ADAMTS16: variants seen among roughly 807,000 people sequenced by gnomAD.
The protein encoded by ADAMTS16 is A disintegrin and metalloproteinase with thrombospondin motifs 16.
Under a neutral mutation model 145.8 loss-of-function variants are expected in ADAMTS16, and 94 were observed. The observed-to-expected ratio is 0.64, with a 90% CI of 0.55 to 0.77. The LOEUF (loss-of-function observed/expected upper bound fraction) is 0.77, where lower values mean the gene tolerates loss of function less well. ADAMTS16 is among the 30% of genes least tolerant of loss of function. The pLI is 0.00. For missense variants in ADAMTS16, 1,585 were observed against 1,591.5 expected (o/e 1.00, Z 0.07); for synonymous variants, 659 against 604.3 (o/e 1.09, Z -1.33).
chr5:5,311,107 T>C (rs1009444529), intron 21 of ADAMTS16, among the ~76,000 whole-genome samples: 3 of 151,824 alleles, frequency 2.0e-5, no homozygotes, highest in Non-Finnish European at 4.4e-5. Flanking sequence ...GGCCAGGACA[T>C]TGAGAAGTGA....
At chr5:5,207,293 G>C (rs976139861) in intron 9 of ADAMTS16, among the ~76,000 whole-genome samples, 4 of 152,006 alleles carry the variant, frequency 2.6e-5, no homozygotes, top group Admixed American at 6.6e-5. Context: ...TTTCATTTTT[G>C]GTTGCTAATA....
rs369866757 is a variant in ADAMTS16, at chr5:5,297,998, C to T, written c.2790-5270C>T. On this transcript the variant is annotated intron_variant, in intron 18 of 22. Transcript: ENST00000274181. The stretch of plus-strand genomic sequence containing the variant: ...GTGCTGGGCCCTGTTCCTTGCCAAC[C>T]AGTCATCAGAAATGGGCTGTCCGTT... Among the ~76,000 whole-genome samples the T allele has an allele frequency of 2.6e-5, 4 of 152,292 alleles. No individual in the cohort carries two copies. The East Asian group carries it at 7.7e-4, about 29-fold the overall frequency.
intron 12 of ADAMTS16, among the ~76,000 whole-genome samples, chr5:5,233,333 T>G (rs931242469): frequency 6.6e-6 from 1 of 152,234 alleles, no homozygotes; most frequent in Non-Finnish European, 1.5e-5. Flanking sequence ...TAATTTTTAA[T>G]TTTTTAAATT....
At chr5:5,239,366 G>T in intron 15 of ADAMTS16, 92 bp downstream of exon 15, 1 of 1,485,158 alleles carries the variant, frequency 6.7e-7, no homozygotes, top group Non-Finnish European at 9.0e-7. Flanking sequence ...GAAAACAGCA[G>T]GACTTCCTTC....
intron 18 of ADAMTS16, among the ~76,000 whole-genome samples, chr5:5,275,616 T>G (rs116017841): frequency 2.0e-5 from 3 of 152,210 alleles, no homozygotes; most frequent in African/African-American, 7.2e-5. Flanking sequence ...TAGATAGTTA[T>G]AGTTTCTGCA....
intron 10 of ADAMTS16, among the ~76,000 whole-genome samples, chr5:5,222,368 A>G (rs1736633037): frequency 1.3e-5 from 2 of 152,110 alleles, no homozygotes; most frequent in African/African-American, 2.4e-5. Flanking sequence ...CAAGTGAACA[A>G]GCATCCTAAA....
At chr5:5,309,847 T>TGTGC (rs1288874273) in intron 21 of ADAMTS16, among the ~76,000 whole-genome samples, 1 of 151,238 alleles carries the variant, frequency 6.6e-6, no homozygotes, top group Non-Finnish European at 1.5e-5. Context: ...TGTGTGTGTG[T>TGTGC]GTGTGTGTGC....
chr5:5,159,343 C>A (rs1043274679), intron 3 of ADAMTS16, among the ~76,000 whole-genome samples: 2 of 152,264 alleles, frequency 1.3e-5, no homozygotes, highest in Non-Finnish European at 2.9e-5. Flanking sequence ...TCTTACTAAC[C>A]AGCTAGCTCA....
At chr5:5,203,140 G>A (rs868220049) in intron 9 of ADAMTS16, among the ~76,000 whole-genome samples, 76 of 152,164 alleles carry the variant, frequency 5.0e-4, no homozygotes, top group African/African-American at 1.7e-3. Flanking sequence ...GACCACATGA[G>A]TATAAATAAA....
intron 21 of ADAMTS16, among the ~76,000 whole-genome samples, chr5:5,312,833 C>T (rs1039884981): frequency 6.6e-6 from 1 of 152,052 alleles, no homozygotes; most frequent in Admixed American, 6.6e-5. Context: ...GCAGCTGAGT[C>T]GAGGCATTTC....
intron 8 of ADAMTS16, among the ~76,000 whole-genome samples, chr5:5,195,507 T>C (rs1735778096): frequency 6.6e-6 from 1 of 152,164 alleles, no homozygotes; most frequent in Non-Finnish European, 1.5e-5. Context: ...AGCTCTTACC[T>C]AGGTTTCCGA....
chr5:5,148,065 A>G (rs1734352345), intron 3 of ADAMTS16, among the ~76,000 whole-genome samples: 1 of 152,070 alleles, frequency 6.6e-6, no homozygotes, highest in African/African-American at 2.4e-5. Context: ...GTATAATTAT[A>G]ATGAAAGATA....
intron 18 of ADAMTS16, among the ~76,000 whole-genome samples, chr5:5,290,831 G>C (rs1255831587): frequency 1.3e-5 from 2 of 152,122 alleles, no homozygotes; most frequent in East Asian, 3.9e-4. Flanking sequence ...CTTTCACTGT[G>C]TAGGACCTGA....
intron 6 of ADAMTS16, among the ~76,000 whole-genome samples, chr5:5,188,142 A>T (rs764571489): frequency 6.6e-6 from 1 of 152,204 alleles, no homozygotes; most frequent in South Asian, 2.1e-4. Flanking sequence ...AGCTTTCAGG[A>T]TGCCAGTGGG....
chr5:5,211,710 C>A (rs1484200293), intron 10 of ADAMTS16, among the ~76,000 whole-genome samples: 1 of 152,062 alleles, frequency 6.6e-6, no homozygotes, highest in African/African-American at 2.4e-5. Context: ...TCTTTCTAAG[C>A]ACATTAGCTG....
chr5:5,222,664 C>A, intron 10 of ADAMTS16, 125 bp from the exon 11 acceptor site: 1 of 734,254 alleles, frequency 1.4e-6, no homozygotes, highest in Non-Finnish European at 2.3e-6. Flanking sequence ...TATCATATTG[C>A]TAAGTAGGCA....
At chr5:5,189,950 C>A in intron 6 of ADAMTS16, 21 bp from the exon 7 acceptor site, 1 of 1,609,548 alleles carries the variant, frequency 6.2e-7, no homozygotes, top group African/African-American at 1.3e-5. Flanking sequence ...ATGGGGTCCT[C>A]GGTCCTTGTC....
intron 9 of ADAMTS16, among the ~76,000 whole-genome samples, chr5:5,207,711 A>ATTT (rs71604112): frequency 1.0e-4 from 15 of 146,886 alleles, no homozygotes; most frequent in African/African-American, 3.5e-4. Context: ...GTTTGCTGGG[A>ATTT]TTTTTTTTTT....
intron 11 of ADAMTS16, among the ~76,000 whole-genome samples, chr5:5,228,719 T>C (rs947690347): frequency 6.6e-6 from 1 of 152,206 alleles, no homozygotes; most frequent in Non-Finnish European, 1.5e-5. Flanking sequence ...TTTCTCCCCA[T>C]CTAATTAGGA....
Sources: gnomAD v4.1 joint callset for allele counts (sites outside exome capture counted in the v4.1 genomes callset) on GRCh38, gnomAD v4.1.1 for gene constraint, MANE v1.5 for transcripts, NCBI Gene and HGNC (gene_info 2026-07-23, HGNC 2026-07-21) for gene names.